Variants in NTRK3 observed in about 807,000 individuals in gnomAD.
NTRK3 encodes the protein neurotrophic receptor tyrosine kinase 3, also known as NT-3 growth factor receptor.
In NTRK3, 24 loss-of-function variants were observed where a neutral mutation model predicts 91.7. The observed-to-expected ratio is 0.26, with a 90% confidence interval of 0.19 to 0.37. The LOEUF (loss-of-function observed/expected upper bound fraction) is 0.37, where lower values mean the gene tolerates loss of function less well. NTRK3 is among the 10% of genes least tolerant of loss of function. The pLI is 1.00. For missense variants in NTRK3, 880 were observed against 1,068.9 expected (o/e 0.82, Z 2.46); for synonymous variants, 483 against 404.0 (o/e 1.20, Z -2.34).
intron 13 of NTRK3, among the ~76,000 whole-genome samples, chr15:88,077,060 C>CCCCA (rs1428929684): frequency 6.6e-6 from 1 of 152,116 alleles, no homozygotes; most frequent in African/African-American, 2.4e-5. Context: ...TGCCACTGCA[C>CCCCA]TCCAGCCAGG....
chr15:88,213,130 G>T (rs1407899387), intron 3 of NTRK3, among the ~76,000 whole-genome samples: 3 of 152,176 alleles, frequency 2.0e-5, no homozygotes, highest in Non-Finnish European at 4.4e-5. Flanking sequence ...TTCTTGCATG[G>T]AACATTTATT....
chr15:87,941,818 T>A (rs2069891574), intron 14 of NTRK3, among the ~76,000 whole-genome samples: 1 of 151,926 alleles, frequency 6.6e-6, no homozygotes, highest in African/African-American at 2.4e-5. Context: ...TACGAAGGAG[T>A]TGTACAAGCA....
chr15:88,134,482 C>G (rs2041684349), intron 10 of NTRK3, among the ~76,000 whole-genome samples: 1 of 152,188 alleles, frequency 6.6e-6, no homozygotes, highest in Non-Finnish European at 1.5e-5. Flanking sequence ...CACAGTAGCT[C>G]ACCATGGAAC....
chr15:88,036,902 C>A (rs182519183), intron 13 of NTRK3, among the ~76,000 whole-genome samples: 1 of 152,144 alleles, frequency 6.6e-6, no homozygotes, highest in Non-Finnish European at 1.5e-5. Flanking sequence ...GATACCACAT[C>A]GAGACTTAAA....
chr15:87,907,198 C>A (rs1039553888), intron 17 of NTRK3, among the ~76,000 whole-genome samples: 4 of 152,084 alleles, frequency 2.6e-5, no homozygotes, highest in African/African-American at 4.8e-5. Context: ...GAGTTTGAAC[C>A]CGATGCGACT....
chr15:88,101,688 T>TA lies in NTRK3; in HGVS notation c.1396+24582dup, dbSNP rs1432686208. 3.3e-5 allele frequency among the ~76,000 whole-genome samples: 5 copies of TA among 152,230 alleles called. No individual in the cohort carries two copies. The East Asian group carries it at 7.7e-4, about 24-fold the overall frequency. On this transcript the variant is annotated intron_variant, in intron 13 of 18. Coordinates refer to ENST00000394480, the Ensembl canonical transcript of NTRK3. ...TACATCATGGAATACTATGCAGCCA[T>TA]AAAAAATGATGAGTTCGTGTCCTTT...
chr15:87,981,882 T>C (rs1015318358), intron 14 of NTRK3, among the ~76,000 whole-genome samples: 3 of 152,206 alleles, frequency 2.0e-5, no homozygotes, highest in Non-Finnish European at 2.9e-5. Context: ...GTGGTGGTGT[T>C]TGGTTCCTTA....
intron 6 of NTRK3, among the ~76,000 whole-genome samples, chr15:88,144,334 G>C (rs1432053162): frequency 6.6e-6 from 1 of 152,152 alleles, no homozygotes; most frequent in Non-Finnish European, 1.5e-5. Flanking sequence ...CTGGACAGAG[G>C]GGAAGCTGTG....
intron 10 of NTRK3, among the ~76,000 whole-genome samples, chr15:88,129,791 G>A (rs2053631275): frequency 6.6e-6 from 1 of 152,120 alleles, no homozygotes; most frequent in Non-Finnish European, 1.5e-5. Context: ...TGATAGTCCT[G>A]GATTGTTATG....
chr15:87,909,811 C>T (rs184489788), intron 17 of NTRK3, among the ~76,000 whole-genome samples: 104 of 152,262 alleles, frequency 6.8e-4, no homozygotes, highest in African/African-American at 1.9e-3. Flanking sequence ...ACCACACAGA[C>T]GGATGACCAT....
chr15:87,863,307 C>T (rs1322245646), exon 19 of NTRK3: 1 of 226,428 alleles, frequency 4.4e-6, no homozygotes, highest in Non-Finnish European at 8.8e-6. Context: ...GAAAACAAAA[C>T]AACTGCCCTT....
In NTRK3 at chr15:88,147,324, A is replaced by G; in HGVS notation, c.464+11T>C. The stretch of plus-strand genomic sequence containing the variant: ...CTTCAGTACCTGGACAGTCTTCAAA[A>G]CCAAACTTACAATTCCCGAAGACTC... On this transcript the variant is annotated intron_variant, in intron 6 of 18. Coordinates refer to ENST00000394480, the Ensembl canonical transcript of NTRK3. 1 of 1,613,166 alleles carries G rather than the reference A, an allele frequency of 6.2e-7. No homozygotes were observed. The highest frequency in any genetic ancestry group is 1.1e-5 in the South Asian group (1 of 91,058).
At chr15:87,931,321 C>T (rs552447522) in intron 16 of NTRK3, 25 of 456,996 alleles carry the variant, frequency 5.5e-5, no homozygotes, top group Admixed American at 1.8e-4. Context: ...AGGGCTATCC[C>T]GAATATTGAG....
chr15:88,072,714 G>C (rs1242944493), intron 13 of NTRK3: 1 of 232,740 alleles, frequency 4.3e-6, no homozygotes, highest in Admixed American at 5.6e-5. Flanking sequence ...GGTATGATGG[G>C]CACTTGAAGG....
rs921554914 is a variant in NTRK3, at chr15:88,044,571, G to A, written c.1397-11526C>T. On this transcript the variant is annotated intron_variant, in intron 13 of 18. Coordinates refer to ENST00000394480, the Ensembl canonical transcript of NTRK3. ...CCACCACGCCTGGCCCACCACACCC[G>A]CCCCCCCACCCCACCACCACCTCAA... is the stretch of plus-strand genomic sequence containing the variant. Among the ~76,000 whole-genome samples, 299 of 40,264 alleles carry A rather than the reference G, an allele frequency of 7.4e-3. 2 individuals carry two copies. The highest frequency in any genetic ancestry group is 0.027 in the African/African-American group (264 of 9,706). The allele number at this position is 40,264 out of a possible 152,430, so 26.4% of individuals were successfully genotyped here.
intron 5 of NTRK3, among the ~76,000 whole-genome samples, chr15:88,157,284 C>T (rs2043999990): frequency 6.6e-6 from 1 of 152,066 alleles, no homozygotes; most frequent in Non-Finnish European, 1.5e-5. Context: ...CAAACATACA[C>T]ACTTATCCCC....
intron 15 of NTRK3, among the ~76,000 whole-genome samples, chr15:87,934,221 T>A (rs181736210): frequency 5.3e-5 from 8 of 152,126 alleles, no homozygotes; most frequent in African/African-American, 9.7e-5. Flanking sequence ...GCGCCCCGAT[T>A]TCTCCAGCCT....
In NTRK3 at chr15:88,136,458, G is replaced by T. The variant is rs149275429; in HGVS notation, c.765+9C>A. 2 of 1,614,162 alleles carry T rather than the reference G, an allele frequency of 1.2e-6. No homozygotes were observed. The highest frequency in any genetic ancestry group is 1.7e-6 in the Non-Finnish European group (2 of 1,180,028). ...GCCTCCTGATGGGGCTGAAGCCCAG[G>T]ATGCCTACCTGGTGAGTGTTGATGG... On this transcript the variant is annotated intron_variant, in intron 8 of 18. Coordinates refer to ENST00000394480, the Ensembl canonical transcript of NTRK3.
intron 3 of NTRK3, among the ~76,000 whole-genome samples, chr15:88,205,414 A>C (rs1034613175): frequency 6.6e-6 from 1 of 152,146 alleles, no homozygotes; most frequent in Admixed American, 6.5e-5. Context: ...CATCTCCCCA[A>C]GGTCCCACAG....
Sources: allele counts gnomAD v4.1 joint callset (sites outside exome capture counted in the v4.1 genomes callset), GRCh38; gene constraint gnomAD v4.1.1; transcripts MANE v1.5; gene names NCBI Gene and HGNC (gene_info 2026-07-23, HGNC 2026-07-21).